The following TMEM117 variants were observed in gnomAD, a reference collection of about 807,000 sequenced individuals.
TMEM117 encodes the protein transmembrane protein 117.
TMEM117 carries 27 observed loss-of-function variants against 52.4 expected under a neutral mutation model. The observed-to-expected ratio is 0.51, with a 90% CI of 0.38 to 0.71. TMEM117 has a LOEUF of 0.71. TMEM117 is among the 30% of genes least tolerant of loss of function. TMEM117 has a pLI of 0.00. For synonymous variants in TMEM117, 215 were observed against 206.3 expected (o/e 1.04, Z -0.36); for missense variants, 556 against 630.5 (o/e 0.88, Z 1.26).
Position 43,836,167 on chromosome 12 carries a change from A to G in TMEM117, c.-58A>G, listed in dbSNP as rs1943024087. ...GTGCTCGACCGCGAATCCCGTGTGC[A>G]GTCGCCCCGCGCCCCGCGCGACCCT... On this transcript the variant is annotated 5_prime_UTR_variant, in exon 1 of 8. Coordinates refer to ENST00000266534, the MANE Select transcript of TMEM117 (RefSeq NM_032256.3). 1 of 151,984 alleles carries G rather than the reference A, an allele frequency of 6.6e-6. No individual in the cohort carries two copies. The highest frequency in any genetic ancestry group is 6.6e-5 in the Admixed American group (1 of 15,264). 9.4% of individuals were successfully genotyped at this position (151,984 alleles called of 1,614,324 possible). A position where few individuals can be genotyped will look rare whatever the true frequency, so the allele number is the denominator to read the frequency against.
At chr12:43,990,910 A>G (rs1238514849) in intron 3 of TMEM117, among the ~76,000 whole-genome samples, 1 of 152,162 alleles carries the variant, frequency 6.6e-6, no homozygotes, top group Non-Finnish European at 1.5e-5. Flanking sequence ...CATGGAAATT[A>G]GCATATTATT....
intron 2 of TMEM117, among the ~76,000 whole-genome samples, chr12:43,927,338 G>T (rs1352946507): frequency 6.6e-6 from 1 of 151,958 alleles, no homozygotes; most frequent in Non-Finnish European, 1.5e-5. Context: ...TGTTGGAAGA[G>T]AATATGTGTT....
intron 2 of TMEM117, among the ~76,000 whole-genome samples, chr12:43,883,865 A>G (rs1943942503): frequency 6.6e-6 from 1 of 152,132 alleles, no homozygotes; most frequent in South Asian, 2.1e-4. Context: ...AGCCAGGCAT[A>G]GTGGCTCATG....
At chr12:44,114,470 G>T (rs545307891) in intron 3 of TMEM117, among the ~76,000 whole-genome samples, 1 of 152,138 alleles carries the variant, frequency 6.6e-6, no homozygotes, top group African/African-American at 2.4e-5. Context: ...ACTGAACCCA[G>T]ATCTCAAGAG....
In TMEM117 at chr12:44,212,939, A is replaced by G. The variant is rs17094264; in HGVS notation, c.608+1552A>G. Among the ~76,000 whole-genome samples the G allele has an allele frequency of 2.4e-3, 358 of 152,274 alleles. 12 individuals are homozygous for G. The East Asian group carries it at 0.035, about 15-fold the overall frequency. The stretch of plus-strand genomic sequence containing the variant: ...TAGGACATGTTGAACTCAATTCTTA[A>G]CAGGTAAACAAAAGTGGATTTTCAA... On this transcript the variant is annotated intron_variant, in intron 5 of 7. Coordinates refer to ENST00000266534, the MANE Select transcript of TMEM117 (RefSeq NM_032256.3).
chr12:44,099,117 T>TG (rs937931573), intron 3 of TMEM117, among the ~76,000 whole-genome samples: 4 of 151,236 alleles, frequency 2.6e-5, no homozygotes, highest in African/African-American at 9.7e-5. Flanking sequence ...CTATCTTTAT[T>TG]TTTTTTTTAA....
chr12:43,876,515 A>T (rs184108531), intron 2 of TMEM117, among the ~76,000 whole-genome samples: 1 of 152,172 alleles, frequency 6.6e-6, no homozygotes, highest in Non-Finnish European at 1.5e-5. Flanking sequence ...ATCTTGGACA[A>T]TTTATAGAAA....
chr12:43,904,761 T>A (rs1342084860), intron 2 of TMEM117, among the ~76,000 whole-genome samples: 1 of 152,240 alleles, frequency 6.6e-6, no homozygotes, highest in African/African-American at 2.4e-5. Context: ...AGAAAACTTT[T>A]TTACATTGTT....
chr12:43,848,936 G>A (rs1943259158), intron 2 of TMEM117, among the ~76,000 whole-genome samples: 1 of 152,206 alleles, frequency 6.6e-6, no homozygotes, highest in Non-Finnish European at 1.5e-5. Flanking sequence ...CTCAACAGCT[G>A]AGATGGGAGT....
At chr12:43,966,251 A>G (rs570704324) in intron 3 of TMEM117, among the ~76,000 whole-genome samples, 2 of 152,302 alleles carry the variant, frequency 1.3e-5, no homozygotes, top group South Asian at 4.1e-4. Context: ...CTTTTCCACT[A>G]GAAAAAGAAG....
chr12:43,980,601 A>AGTG (rs1592411793), intron 3 of TMEM117, among the ~76,000 whole-genome samples: 1 of 152,112 alleles, frequency 6.6e-6, no homozygotes, highest in East Asian at 1.9e-4. Flanking sequence ...AGTGGGCACC[A>AGTG]ATGACTTACT....
intron 3 of TMEM117, among the ~76,000 whole-genome samples, chr12:44,031,263 T>C (rs1946628635): frequency 6.6e-6 from 1 of 152,196 alleles, no homozygotes; most frequent in Non-Finnish European, 1.5e-5. Context: ...TGTATATTAA[T>C]AATAATAATT....
intron 3 of TMEM117, among the ~76,000 whole-genome samples, chr12:44,043,461 G>A (rs752436921): frequency 1.3e-5 from 2 of 152,170 alleles, no homozygotes; most frequent in Non-Finnish European, 2.9e-5. Flanking sequence ...GGGGCACTGA[G>A]TTTGTAAACG....
At chr12:44,228,441 A>G (rs968148708) in intron 5 of TMEM117, among the ~76,000 whole-genome samples, 1 of 151,954 alleles carries the variant, frequency 6.6e-6, no homozygotes, top group African/African-American at 2.4e-5. Flanking sequence ...TGGAAAAAAC[A>G]GATAAAGTAC....
chr12:43,861,623 TG>T (rs1304161086), intron 2 of TMEM117, among the ~76,000 whole-genome samples: 1 of 152,140 alleles, frequency 6.6e-6, no homozygotes, highest in Non-Finnish European at 1.5e-5. Flanking sequence ...ACTGTCACAG[TG>T]GGTGGAGGAA....
chr12:44,207,639 G>T (rs1224395646), intron 4 of TMEM117, among the ~76,000 whole-genome samples: 1 of 151,968 alleles, frequency 6.6e-6, no homozygotes, highest in East Asian at 1.9e-4. Flanking sequence ...AAATTCATTT[G>T]TGTGTTGTAT....
At chr12:44,273,911 A>G (rs1171377315) in intron 5 of TMEM117, among the ~76,000 whole-genome samples, 16 of 152,218 alleles carry the variant, frequency 1.1e-4, no homozygotes, top group African/African-American at 3.6e-4. Context: ...GATCTGGAAC[A>G]TGACAAGAAT....
chr12:44,333,000 C>T (rs1474005790), intron 6 of TMEM117, among the ~76,000 whole-genome samples: 2 of 151,990 alleles, frequency 1.3e-5, no homozygotes, highest in African/African-American at 4.8e-5. Flanking sequence ...TGTACATTGA[C>T]AGTTTCTTAA....
intron 2 of TMEM117, among the ~76,000 whole-genome samples, chr12:43,868,850 C>A: frequency 6.7e-6 from 1 of 149,378 alleles, no homozygotes. Context: ...CAAATAAGAG[C>A]AGAAATAAAA....
Sources: allele counts gnomAD v4.1 joint callset (sites outside exome capture counted in the v4.1 genomes callset), GRCh38; gene constraint gnomAD v4.1.1; transcripts MANE v1.5; gene names NCBI Gene and HGNC (gene_info 2026-07-23, HGNC 2026-07-21).